IL2RA: variants seen among roughly 807,000 people sequenced by gnomAD.
The protein encoded by IL2RA is interleukin-2 receptor subunit alpha.
A neutral mutation model predicts 37.8 loss-of-function variants in IL2RA; 24 were observed. That is an observed-to-expected ratio of 0.63 (90% CI 0.46 to 0.89). The LOEUF (loss-of-function observed/expected upper bound fraction) is 0.89, where lower values mean the gene tolerates loss of function less well. Ranked by LOEUF, IL2RA falls within the 40% of genes least tolerant of loss-of-function variation. The pLI, the probability that IL2RA is intolerant of heterozygous loss-of-function variation, is 0.00. For missense variants in IL2RA, 319 were observed against 348.6 expected (o/e 0.92, Z 0.68); for synonymous variants, 125 against 114.6 (o/e 1.09, Z -0.58).
At position 6,021,434 on chromosome 10, in the gene IL2RA, T is replaced by C. The variant is rs1406527593; in HGVS notation, c.583+44A>G. ...AGGGATTCCACTCTGGTCAGCCTGA[T>C]GGAGCAAAGCAACATTGTGGACCCC... On this transcript the variant is annotated intron_variant, in intron 4 of 7. Transcript: ENST00000379959. This position sits in a 1 kb window ranked among gnomAD's most constrained non-coding sequence, Gnocchi z 4.9. 6.5e-7 allele frequency: 1 copy of C among 1,534,840 alleles called. No homozygotes were observed. Among genetic ancestry groups the C allele is most frequent in the African/African-American group, 1.4e-5 (1 of 73,290 alleles).
In IL2RA at chr10:6,014,170, G is replaced by A. The variant is rs1381989763; in HGVS notation, c.795-1274C>T. Among the ~76,000 whole-genome samples, 2 of 152,152 alleles carry A rather than the reference G, an allele frequency of 1.3e-5. No homozygotes were observed. Among genetic ancestry groups the A allele is most frequent in the African/African-American group, 4.8e-5 (2 of 41,438 alleles). On this transcript the variant is annotated intron_variant, in intron 7 of 7. Coordinates refer to ENST00000379959, the MANE Select transcript of IL2RA (RefSeq NM_000417.3). The surrounding 1 kb of genome is among the most constrained non-coding windows in gnomAD (Gnocchi z 4.4). ...TATGCTTAAAAACCAGTTTGCAGAA[G>A]TCCCGAAAATTTAACCGCTGGCTCT...
At chr10:6,027,981 AC>A (rs1425036588) in intron 1 of IL2RA, among the ~76,000 whole-genome samples, 1 of 152,190 alleles carries the variant, frequency 6.6e-6, no homozygotes, top group Non-Finnish European at 1.5e-5. Flanking sequence ...ACCAAAACTT[AC>A]GTTTCTGCTG....
In IL2RA at chr10:6,012,646, A is replaced by G. The variant is rs1839207735; in HGVS notation, c.*226T>C. The G allele has an allele frequency of 8.2e-6, 5 of 606,770 alleles. No individual in the cohort carries two copies. The highest frequency in any genetic ancestry group is 2.8e-5 in the East Asian group (1 of 36,024). 37.6% of individuals were successfully genotyped at this position (606,770 alleles called of 1,614,324 possible). A position where few individuals can be genotyped will look rare whatever the true frequency, so the allele number is the denominator to read the frequency against. On this transcript the variant is annotated 3_prime_UTR_variant, in exon 8 of 8. Coordinates refer to ENST00000379959, the MANE Select transcript of IL2RA (RefSeq NM_000417.3). The surrounding 1 kb of genome is among the most constrained non-coding windows in gnomAD (Gnocchi z 4.8). ...CTTCCTCTTCAACGGCGAAATTGCT[A>G]TTTAGAAGTGGGTAGCGCTCGCTCT... is the stretch of plus-strand genomic sequence containing the variant.
chr10:6,046,982 C>T lies in IL2RA; in HGVS notation c.64+15106G>A, dbSNP rs943066330. On this transcript the variant is annotated intron_variant, in intron 1 of 7. Transcript: ENST00000379959. The surrounding 1 kb of genome is among the most constrained non-coding windows in gnomAD (Gnocchi z 4.8). ...GTTTAAAGACTTCCTCAGCACAGTG[C>T]TGAGAAGATCCTGCTTTTTACTCGG... Among the ~76,000 whole-genome samples, 1 of 152,160 alleles carries T rather than the reference C, an allele frequency of 6.6e-6. No individual in the cohort carries two copies. Among genetic ancestry groups the T allele is most frequent in the African/African-American group, 2.4e-5 (1 of 41,434 alleles).
chr10:6,038,039 T>C lies in IL2RA; in HGVS notation c.65-12014A>G, dbSNP rs1361248760. 2.0e-5 allele frequency among the ~76,000 whole-genome samples: 3 copies of C among 152,198 alleles called. No individual in the cohort carries two copies. In the East Asian group the frequency reaches 5.8e-4, roughly 29 times the overall value. ...TAGAACATCCCTTTTAATGGTATCA[T>C]AGAATATGAGAACTAGAAGAGAGCT... On this transcript the variant is annotated intron_variant, in intron 1 of 7. Transcript: ENST00000379959.
At chr10:6,023,278 C>A (rs1378571237) in intron 3 of IL2RA, among the ~76,000 whole-genome samples, 2 of 152,192 alleles carry the variant, frequency 1.3e-5, no homozygotes, top group Non-Finnish European at 2.9e-5. Flanking sequence ...CTAAGGCTAG[C>A]CTGACCTTAG....
chr10:6,032,499 T>C (rs953378122), intron 1 of IL2RA, among the ~76,000 whole-genome samples: 9 of 152,044 alleles, frequency 5.9e-5, no homozygotes, highest in Admixed American at 3.3e-4. Flanking sequence ...GAGACCATCC[T>C]GGCTAACACG....
intron 1 of IL2RA, among the ~76,000 whole-genome samples, chr10:6,032,559 G>A (rs1013311413): frequency 3.8e-4 from 58 of 152,104 alleles, no homozygotes; most frequent in African/African-American, 1.4e-3. Context: ...CGGGTGTGGT[G>A]GTGTGCGCCT....
intron 7 of IL2RA, among the ~76,000 whole-genome samples, chr10:6,016,447 C>A (rs1839280663): frequency 6.6e-6 from 1 of 152,242 alleles, no homozygotes; most frequent in South Asian, 2.1e-4. Flanking sequence ...TGGGCTAAGA[C>A]ACCACTGAAC....
rs1840007031 is a variant in IL2RA, at chr10:6,054,147, G to C, written c.64+7941C>G. On this transcript the variant is annotated intron_variant, in intron 1 of 7. Coordinates refer to ENST00000379959, the MANE Select transcript of IL2RA (RefSeq NM_000417.3). This position sits in a 1 kb window ranked among gnomAD's most constrained non-coding sequence, Gnocchi z 4.5. ...GCCACCTGAACCCCTCCTTAAGCAGGATGCCTGGATCCGGGTCGAGGGCTG... is the reference window on the plus strand; with the variant it reads ...GCCACCTGAACCCCTCCTTAAGCAGCATGCCTGGATCCGGGTCGAGGGCTG... Among the ~76,000 whole-genome samples, 1 of 152,196 alleles carries C rather than the reference G, an allele frequency of 6.6e-6. No homozygotes were observed. Among genetic ancestry groups the C allele is most frequent in the African/African-American group, 2.4e-5 (1 of 41,432 alleles).
At chr10:6,017,570 T>C (rs948275191) in intron 7 of IL2RA, among the ~76,000 whole-genome samples, 17 of 116,472 alleles carry the variant, frequency 1.5e-4, no homozygotes, top group African/African-American at 4.8e-4. Context: ...CCTGGTCGTT[T>C]AATTTTTTTT....
intron 7 of IL2RA, among the ~76,000 whole-genome samples, chr10:6,013,227 C>T (rs750112266): frequency 6.6e-6 from 1 of 152,324 alleles, no homozygotes; most frequent in Non-Finnish European, 1.5e-5. Context: ...TGGTTTCTAG[C>T]CAGCACTGTG....
intron 1 of IL2RA, 109 bp from the exon 2 acceptor site, chr10:6,026,134 T>C: frequency 8.8e-7 from 1 of 1,142,296 alleles, no homozygotes; most frequent in African/African-American, 1.5e-5. Context: ...ATTTAAAAGA[T>C]GGTATGCCCT....
rs1312218637 is a variant in IL2RA, at chr10:6,019,418, C to G, written c.727+10G>C. 2.5e-6 allele frequency: 4 copies of G among 1,596,464 alleles called. No individual in the cohort carries two copies. The highest frequency in any genetic ancestry group is 4.5e-5 in the East Asian group (2 of 44,790). ...GTACATTTTGTCCACAAAGCCAGTG[C>G]CCCACTCACCTGCTACCTGGTACTC... On this transcript the variant is annotated intron_variant, in intron 6 of 7. Transcript: ENST00000379959.
Position 6,021,608 on chromosome 10 carries a change from C to G in IL2RA, c.453G>C (p.Gln151His), listed in dbSNP as rs765403608. 6.2e-7 allele frequency: 1 copy of G among 1,613,848 alleles called. No individual in the cohort carries two copies. Among genetic ancestry groups the G allele is most frequent in the Non-Finnish European group, 8.5e-7 (1 of 1,179,982 alleles). ...GTAGAGCCCTGTATCCCTGGACGCACTGATAATAAACCATCTGCCCCACCA... is the reference window on the plus strand; with the variant it reads ...GTAGAGCCCTGTATCCCTGGACGCAGTGATAATAAACCATCTGCCCCACCA... ...HFVVGQMVYYQCVQGYRALHR... is the reference protein window; with the variant it reads ...HFVVGQMVYYHCVQGYRALHR... Residue 151 changes from glutamine to histidine, a missense_variant, in exon 4 of 8, where the codon CAG (glutamine) becomes CAC (histidine). Physicochemically the swap from Gln to His is conservative, Grantham distance 24. Coordinates refer to ENST00000379959, the MANE Select transcript of IL2RA (RefSeq NM_000417.3). This position sits in a 1 kb window ranked among gnomAD's most constrained non-coding sequence, Gnocchi z 4.9.
intron 1 of IL2RA, among the ~76,000 whole-genome samples, chr10:6,049,411 G>A (rs1236095588): frequency 5.9e-5 from 9 of 152,164 alleles, no homozygotes; most frequent in South Asian, 2.1e-4. Flanking sequence ...TCAAATGCTA[G>A]TGTCTCCTGG....
At chr10:6,013,259 T>A (rs11256335) in intron 7 of IL2RA, among the ~76,000 whole-genome samples, 24,638 of 152,278 alleles carry the variant, frequency 0.16, 2,707 homozygotes, top group Middle Eastern at 0.26. Context: ...TCTGAGATGA[T>A]GGAAATCTTT....
rs1005738637 is a variant in IL2RA, at chr10:6,033,227, G to C, written c.65-7202C>G. Among the ~76,000 whole-genome samples, 2 of 151,952 alleles carry C rather than the reference G, an allele frequency of 1.3e-5. No individual in the cohort carries two copies. Among genetic ancestry groups the C allele is most frequent in the Admixed American group, 6.5e-5 (1 of 15,270 alleles). On this transcript the variant is annotated intron_variant, in intron 1 of 7. Coordinates refer to ENST00000379959, the MANE Select transcript of IL2RA (RefSeq NM_000417.3). The surrounding 1 kb of genome is among the most constrained non-coding windows in gnomAD (Gnocchi z 4.3). ...CCCTTTCTCTACTAAGGAGGCAGAG[G>C]TTGCAGTGAGCTGAGATCACGCCAC...
At chr10:6,019,679 G>C (rs189789007) in intron 5 of IL2RA, among the ~76,000 whole-genome samples, 180 bp from the exon 6 acceptor site, 8 of 152,290 alleles carry the variant, frequency 5.3e-5, no homozygotes, top group Admixed American at 2.6e-4. Flanking sequence ...CTGGTCCTGG[G>C]TTCCCTCTTT....
Sources: gnomAD v4.1 joint callset for allele counts (sites outside exome capture counted in the v4.1 genomes callset) on GRCh38, gnomAD v4.1.1 for gene constraint, Gnocchi (gnomAD v3.1) non-coding constraint, MANE v1.5 for transcripts, NCBI Gene and HGNC (gene_info 2026-07-23, HGNC 2026-07-21) for gene names.